SLC30A4: variants seen among roughly 807,000 people sequenced by gnomAD.
SLC30A4 encodes the protein probable proton-coupled zinc antiporter SLC30A4.
Under a neutral mutation model 41.7 loss-of-function variants are expected in SLC30A4, and 20 were observed. That is an observed-to-expected ratio of 0.48 (90% confidence interval 0.34 to 0.70). The LOEUF (loss-of-function observed/expected upper bound fraction) is 0.70, where lower values mean the gene tolerates loss of function less well. SLC30A4 is among the 30% of genes least tolerant of loss of function. SLC30A4 has a pLI of 0.01. For missense variants in SLC30A4, 441 were observed against 529.3 expected (o/e 0.83, Z 1.64); for synonymous variants, 181 against 195.9 (o/e 0.92, Z 0.64).
rs1021080975 is a variant in SLC30A4, at chr15:45,481,927, G to A, written c.*3236C>T. The A allele has an allele frequency of 2.6e-5, 4 of 151,848 alleles. No homozygotes were observed. The highest frequency in any genetic ancestry group is 9.7e-5 in the African/African-American group (4 of 41,306). The allele number at this position is 151,848 out of a possible 1,614,324, so 9.4% of individuals were successfully genotyped here. On this transcript the variant is annotated 3_prime_UTR_variant, in exon 8 of 8. Coordinates refer to ENST00000261867, the MANE Select transcript of SLC30A4 (RefSeq NM_013309.6). ...CAGAACACGATAGTTAAGATTTACA[G>A]AAGTTTTCATGGCTGGGTGCGGTAG... is the stretch of plus-strand genomic sequence containing the variant.
rs1448615777 is a variant in SLC30A4 at position 45,521,166 on chromosome 15, A to G, written c.391+798T>C. 2.5e-5 allele frequency: 9 copies of G among 362,488 alleles called. No individual in the cohort carries two copies. The East Asian group carries it at 7.1e-4, about 28-fold the overall frequency. The allele number at this position is 362,488 out of a possible 1,614,324, so 22.5% of individuals were successfully genotyped here. A position where few individuals can be genotyped will look rare whatever the true frequency, so the allele number is the denominator to read the frequency against. Reference sequence around the variant, plus strand: ...TCTCCCTGCTTTTATGTCACTTTGTAAACTGTCACTGAGAAGTTAGTAGTT... The same window carrying G: ...TCTCCCTGCTTTTATGTCACTTTGTGAACTGTCACTGAGAAGTTAGTAGTT... On this transcript the variant is annotated intron_variant, in intron 2 of 7. Coordinates refer to ENST00000261867, the MANE Select transcript of SLC30A4 (RefSeq NM_013309.6).
chr15:45,510,920 G>A (rs1892273509), intron 3 of SLC30A4, among the ~76,000 whole-genome samples: 1 of 152,212 alleles, frequency 6.6e-6, no homozygotes, highest in African/African-American at 2.4e-5. Flanking sequence ...AACCTTTGAA[G>A]ATTAATGATC....
intron 3 of SLC30A4, among the ~76,000 whole-genome samples, chr15:45,499,446 G>A (rs1236722631): frequency 6.6e-6 from 1 of 152,044 alleles, no homozygotes; most frequent in Non-Finnish European, 1.5e-5. Context: ...GCTTACTACA[G>A]TCCTTTCACA....
chr15:45,507,441 G>A (rs1038770028), intron 3 of SLC30A4, among the ~76,000 whole-genome samples: 1 of 150,488 alleles, frequency 6.6e-6, no homozygotes, highest in African/African-American at 2.4e-5. Flanking sequence ...TTATTATTCT[G>A]AGCATATTAA....
chr15:45,507,321 AAAATAAATAAAT>A (rs58217872), intron 3 of SLC30A4, among the ~76,000 whole-genome samples: 20 of 141,022 alleles, frequency 1.4e-4, no homozygotes, highest in East Asian at 1.0e-3. Context: ...CTCTGTCTCA[AAAATAAATAAAT>A]AAATAAATAA....
At chr15:45,521,690 AC>A (rs1892671580) in intron 2 of SLC30A4, 1 of 377,280 alleles carries the variant, frequency 2.7e-6, no homozygotes, top group Non-Finnish European at 4.7e-6. Flanking sequence ...AGAGGAAGTT[AC>A]ATGACATACA....
At position 45,522,392 on chromosome 15, in the gene SLC30A4, G is replaced by C; in HGVS notation, c.-38C>G. The stretch of plus-strand genomic sequence containing the variant: ...GCGGCCGCGGTGCGGAACGGCTTGG[G>C]GGAGGCGGACGGCCGGCGGCGCCTA... On this transcript the variant is annotated 5_prime_UTR_variant, in exon 2 of 8. Transcript: ENST00000261867. 1 of 1,538,802 alleles carries C rather than the reference G, an allele frequency of 6.5e-7. No homozygotes were observed. The highest frequency in any genetic ancestry group is 2.3e-5 in the East Asian group (1 of 44,140).
rs1051825022 is a variant in SLC30A4, at chr15:45,522,240, C to G, written c.115G>C (p.Gly39Arg). ...CGAAGTTTGTTGAACCGAGAAAGCCCCTCGTCCCCCGCCTCATCCGAGAAG... is the reference window on the plus strand; with the variant it reads ...CGAAGTTTGTTGAACCGAGAAAGCCGCTCGTCCCCCGCCTCATCCGAGAAG... Reference protein sequence around the residue: ...FDFSDEAGDEGLSRFNKLRVV... With the variant: ...FDFSDEAGDERLSRFNKLRVV... The change falls in exon 2 of 8, where the codon GGG becomes CGG. Residue 39 changes from glycine to arginine, a missense_variant. By Grantham distance (125) the Gly-to-Arg change is moderately radical. Around this residue, in one of 3 missense-constraint regions of SLC30A4, gnomAD observed 312 missense variants for 341.9 expected, o/e 0.91. Coordinates refer to ENST00000261867, the MANE Select transcript of SLC30A4 (RefSeq NM_013309.6). 1 of 1,614,216 alleles carries G rather than the reference C, an allele frequency of 6.2e-7. No individual in the cohort carries two copies. The highest frequency in any genetic ancestry group is 8.5e-7 in the Non-Finnish European group (1 of 1,180,036).
intron 3 of SLC30A4, among the ~76,000 whole-genome samples, chr15:45,510,714 C>G (rs1297390123): frequency 6.6e-6 from 1 of 152,158 alleles, no homozygotes; most frequent in Non-Finnish European, 1.5e-5. Context: ...TGGCTGCAGT[C>G]AAGTTCAGCC....
At chr15:45,504,120 A>G (rs1406855966) in intron 3 of SLC30A4, among the ~76,000 whole-genome samples, 1 of 152,176 alleles carries the variant, frequency 6.6e-6, no homozygotes, top group Non-Finnish European at 1.5e-5. Flanking sequence ...TGATCATGTA[A>G]AGCTAATTCT....
In SLC30A4 at chr15:45,482,622, G is replaced by A. The variant is rs925148274; in HGVS notation, c.*2541C>T. ...CCTTTCTACTTGCTAGATACTCAAAGTCCATAAATATGTCCAGATGTCCAC... is the reference window on the plus strand; with the variant it reads ...CCTTTCTACTTGCTAGATACTCAAAATCCATAAATATGTCCAGATGTCCAC... On this transcript the variant is annotated 3_prime_UTR_variant, in exon 8 of 8. Coordinates refer to ENST00000261867, the MANE Select transcript of SLC30A4 (RefSeq NM_013309.6). The A allele has an allele frequency of 2.0e-5, 3 of 152,036 alleles. No homozygotes were observed. The highest frequency in any genetic ancestry group is 1.9e-4 in the East Asian group (1 of 5,174). 9.4% of individuals were successfully genotyped at this position (152,036 alleles called of 1,614,324 possible). A position where few individuals can be genotyped will look rare whatever the true frequency, so the allele number is the denominator to read the frequency against.
rs554935114 is a variant in SLC30A4 at position 45,485,379 on chromosome 15, G to A, written c.1136-62C>T. On this transcript the variant is annotated intron_variant, in intron 7 of 7. Transcript: ENST00000261867. ...ACAGTTACATCTTGAATAAGATACA[G>A]GGAAAAAAACAACTGAAATATACTG... 49 of 1,188,724 alleles carry A rather than the reference G, an allele frequency of 4.1e-5. No individual in the cohort carries two copies. In the African/African-American group the frequency reaches 6.6e-4, roughly 16 times the overall value. The allele number at this position is 1,188,724 out of a possible 1,614,324, so 73.6% of individuals were successfully genotyped here. A position where few individuals can be genotyped will look rare whatever the true frequency, so the allele number is the denominator to read the frequency against.
chr15:45,487,993 GTGTGTGTGT>G (rs1891741257), intron 5 of SLC30A4, among the ~76,000 whole-genome samples: 1 of 145,002 alleles, frequency 6.9e-6, no homozygotes, highest in African/African-American at 2.8e-5. Flanking sequence ...GTGTGTGTGT[GTGTGTGTGT>G]TGCCCAGGTT....
chr15:45,511,454 G>A (rs995153418), intron 2 of SLC30A4, among the ~76,000 whole-genome samples, 170 bp from the exon 3 acceptor site: 1 of 151,706 alleles, frequency 6.6e-6, no homozygotes, highest in Non-Finnish European at 1.5e-5. Context: ...TTAGATATAG[G>A]TTCATTTTTC....
Position 45,490,728 on chromosome 15 carries a change from A to AG in SLC30A4, c.691_692insC (p.Ile231ThrfsTer31). On this transcript the variant is annotated frameshift_variant and splice_region_variant, in exon 4 of 8. Transcript: ENST00000261867. LOFTEE classifies it high-confidence loss of function. ...TTAATGTGAAAAAAATAGAGCTTAC[A>AG]TTACATTAACTGCAACTCCAACAGC... 1 of 1,593,500 alleles carries AG rather than the reference A, an allele frequency of 6.3e-7. No homozygotes were observed. Among genetic ancestry groups the AG allele is most frequent in the Non-Finnish European group, 8.5e-7 (1 of 1,171,078 alleles).
intron 3 of SLC30A4, among the ~76,000 whole-genome samples, chr15:45,494,867 AT>A (rs1891880431): frequency 6.6e-6 from 1 of 152,128 alleles, no homozygotes; most frequent in African/African-American, 2.4e-5. Context: ...AAATTTTAAT[AT>A]AAAAATTATA....
At chr15:45,511,034 G>T in intron 3 of SLC30A4, 104 bp downstream of exon 3, 2 of 901,916 alleles carry the variant, frequency 2.2e-6, no homozygotes, top group Non-Finnish European at 3.4e-6. Flanking sequence ...CATTTGCTTT[G>T]TTCAAACAAG....
chr15:45,490,680 T>C, intron 4 of SLC30A4, 48 bp downstream of exon 4: 1 of 1,300,000 alleles, frequency 7.7e-7, no homozygotes, highest in Non-Finnish European at 1.1e-6. Context: ...CAATAGTCTC[T>C]GAGTTCACAG....
chr15:45,517,983 T>C (rs144669281), intron 2 of SLC30A4, among the ~76,000 whole-genome samples: 2 of 152,242 alleles, frequency 1.3e-5, no homozygotes, highest in East Asian at 1.9e-4. Context: ...AAAAAACCCT[T>C]ATCTGGCTTT....
Sources: allele counts gnomAD v4.1 joint callset (sites outside exome capture counted in the v4.1 genomes callset), GRCh38; gene constraint gnomAD v4.1.1; regional missense constraint gnomAD v4.1.1; transcripts MANE v1.5; gene names NCBI Gene and HGNC (gene_info 2026-07-23, HGNC 2026-07-21).